CCDC178: variants seen among roughly 807,000 people sequenced by gnomAD.
CCDC178 encodes the protein coiled-coil domain-containing protein 178.
In CCDC178, 126 loss-of-function variants were observed where a neutral mutation model predicts 117.4. The ratio of observed to expected loss-of-function variants is 1.07; its 90% confidence interval spans 0.93 to 1.24. The LOEUF is 1.24. CCDC178 is among the 50% of genes most tolerant of loss of function. The probability of loss-of-function intolerance (pLI) is 0.00; values close to 1 mark genes in which losing one functional copy is unlikely to be tolerated. For missense variants in CCDC178, 1,030 were observed against 986.9 expected, an observed-to-expected ratio of 1.04 and a Z score of -0.59; for synonymous variants, 283 against 313.4, an observed-to-expected ratio of 0.90 and a Z score of 1.02.
At position 33,165,280 on chromosome 18, in the gene CCDC178, G is replaced by A. The variant is rs569185064; in HGVS notation, c.2238+46616C>T. Among the ~76,000 whole-genome samples the A allele has an allele frequency of 3.6e-3, 545 of 152,112 alleles. 6 individuals are homozygous for A. The highest frequency in any genetic ancestry group is 6.6e-3 in the Non-Finnish European group (452 of 68,006). On this transcript the variant is annotated intron_variant, in intron 20 of 22. Transcript: ENST00000383096. Reference sequence around the variant, plus strand: ...AGGTGGGCAAATCACTTGGGCCCAGGAGTCCAGCCTGGACAACAGAGCATT... The same window carrying A: ...AGGTGGGCAAATCACTTGGGCCCAGAAGTCCAGCCTGGACAACAGAGCATT...
chr18:33,376,791 T>C (rs1395352145), intron 5 of CCDC178, among the ~76,000 whole-genome samples: 1 of 152,194 alleles, frequency 6.6e-6, no homozygotes, highest in African/African-American at 2.4e-5. Context: ...TTCATTCTTT[T>C]TTATGGCAGT....
At chr18:32,993,574 A>C (rs1221367818) in intron 21 of CCDC178, among the ~76,000 whole-genome samples, 1 of 152,218 alleles carries the variant, frequency 6.6e-6, no homozygotes, top group African/African-American at 2.4e-5. Context: ...GGCAAAGCCA[A>C]GAACCCTCTT....
intron 11 of CCDC178, among the ~76,000 whole-genome samples, chr18:33,318,140 C>A (rs538057451): frequency 6.6e-6 from 1 of 152,312 alleles, no homozygotes; most frequent in Admixed American, 6.5e-5. Flanking sequence ...TATTTTAACA[C>A]CCTCACCCTT....
chr18:33,126,097 G>C (rs144998303), intron 20 of CCDC178, among the ~76,000 whole-genome samples: 1 of 152,256 alleles, frequency 6.6e-6, no homozygotes, highest in Non-Finnish European at 1.5e-5. Flanking sequence ...CAGGTGGACA[G>C]GAGACAAGTG....
At chr18:33,411,255 C>T (rs1366106574) in intron 3 of CCDC178, among the ~76,000 whole-genome samples, 1 of 152,158 alleles carries the variant, frequency 6.6e-6, no homozygotes, top group African/African-American at 2.4e-5. Flanking sequence ...AGGTTAAGTT[C>T]TATACCAGGG....
chr18:33,213,823 T>C (rs535292924), intron 19 of CCDC178, among the ~76,000 whole-genome samples: 4 of 152,122 alleles, frequency 2.6e-5, no homozygotes, highest in African/African-American at 9.6e-5. Flanking sequence ...ATTGCCATTA[T>C]TTTTAACACC....
chr18:33,108,017 C>T (rs2057730877), intron 20 of CCDC178, among the ~76,000 whole-genome samples: 1 of 151,506 alleles, frequency 6.6e-6, no homozygotes, highest in African/African-American at 2.4e-5. Context: ...TTTTTTTATC[C>T]ATTTTTGTCA....
At position 33,122,739 on chromosome 18, in the gene CCDC178, C is replaced by A. The variant is rs73959106; in HGVS notation, c.2239-29829G>T. On this transcript the variant is annotated intron_variant, in intron 20 of 22. Transcript: ENST00000383096. Reference sequence around the variant, plus strand: ...ATTGACCCAGAGAATTTGAGAGGACCCACTCTAAGTAACTGCAGCTAATGA... The same window carrying A: ...ATTGACCCAGAGAATTTGAGAGGACACACTCTAAGTAACTGCAGCTAATGA... Among the ~76,000 whole-genome samples the A allele has an allele frequency of 1.5e-3, 230 of 152,122 alleles. 2 individuals are homozygous for A. The highest frequency in any genetic ancestry group is 5.2e-3 in the African/African-American group (217 of 41,508).
intron 11 of CCDC178, 114 bp from the exon 12 acceptor site, chr18:33,293,426 C>T: frequency 1.9e-6 from 1 of 535,090 alleles, no homozygotes; most frequent in Non-Finnish European, 3.0e-6. Flanking sequence ...TTTGGGAGGC[C>T]AAGGTAGCAG....
chr18:33,266,901 T>A lies in CCDC178; in HGVS notation c.1409+15A>T. 1.3e-6 allele frequency: 2 copies of A among 1,532,040 alleles called. No homozygotes were observed. The highest frequency in any genetic ancestry group is 1.8e-6 in the Non-Finnish European group (2 of 1,130,804). The allele number at this position is 1,532,040 out of a possible 1,614,324, so 94.9% of individuals were successfully genotyped here. On this transcript the variant is annotated intron_variant, in intron 14 of 22. Coordinates refer to ENST00000383096, the MANE Select transcript of CCDC178 (RefSeq NM_001105528.4). ...GGATTATGGTATATAAGAAGAAAAGTATTTGCAAATTTACCTTTCATTGGT... is the reference window on the plus strand; with the variant it reads ...GGATTATGGTATATAAGAAGAAAAGAATTTGCAAATTTACCTTTCATTGGT...
chr18:32,982,919 T>C (rs763964583), intron 21 of CCDC178, among the ~76,000 whole-genome samples: 21 of 152,024 alleles, frequency 1.4e-4, no homozygotes, highest in African/African-American at 2.4e-5. Context: ...TCCAAACCCA[T>C]AGAATGTACA....
At chr18:33,133,873 T>C (rs1568008988) in intron 20 of CCDC178, among the ~76,000 whole-genome samples, 1 of 151,972 alleles carries the variant, frequency 6.6e-6, no homozygotes, top group African/African-American at 2.4e-5. Flanking sequence ...AGTAAGTAGA[T>C]ATCATATAAT....
intron 11 of CCDC178, among the ~76,000 whole-genome samples, chr18:33,320,484 C>T (rs1431874782): frequency 6.6e-6 from 1 of 152,054 alleles, no homozygotes; most frequent in Non-Finnish European, 1.5e-5. Flanking sequence ...GAGTGAACTC[C>T]CATTCACAAT....
At chr18:33,383,132 A>T (rs977503159) in intron 5 of CCDC178, among the ~76,000 whole-genome samples, 13 of 152,118 alleles carry the variant, frequency 8.5e-5, no homozygotes, top group African/African-American at 3.1e-4. Flanking sequence ...CTGTGGCCAG[A>T]CTGCTTCTTT....
chr18:32,983,296 T>G, intron 21 of CCDC178: 1 of 1,528,342 alleles, frequency 6.5e-7, no homozygotes, highest in Non-Finnish European at 8.8e-7. Flanking sequence ...AATTTGAGAG[T>G]TCATCTGATA....
intron 11 of CCDC178, among the ~76,000 whole-genome samples, chr18:33,301,651 G>A (rs914476007): frequency 6.6e-6 from 1 of 152,216 alleles, no homozygotes; most frequent in African/African-American, 2.4e-5. Flanking sequence ...TTATTTCAGA[G>A]CTTTAAGATT....
chr18:33,329,118 C>G (rs529247122), intron 10 of CCDC178, among the ~76,000 whole-genome samples: 20 of 152,068 alleles, frequency 1.3e-4, no homozygotes, highest in African/African-American at 4.8e-4. Flanking sequence ...AAAAATATAA[C>G]TGAGCTTTGT....
chr18:33,380,857 GT>G (rs1405593408), intron 5 of CCDC178, among the ~76,000 whole-genome samples: 70 of 152,156 alleles, frequency 4.6e-4, no homozygotes, highest in Non-Finnish European at 3.2e-4. Context: ...ACTTTATTTG[GT>G]TTTAAACATT....
At chr18:33,409,230 A>G (rs571462268) in intron 3 of CCDC178, among the ~76,000 whole-genome samples, 1 of 152,178 alleles carries the variant, frequency 6.6e-6, no homozygotes, top group Admixed American at 6.5e-5. Flanking sequence ...GACTACAGGC[A>G]TATACCATCA....
Sources: allele counts gnomAD v4.1 joint callset (sites outside exome capture counted in the v4.1 genomes callset), GRCh38; gene constraint gnomAD v4.1.1; transcripts MANE v1.5; gene names NCBI Gene and HGNC (gene_info 2026-07-23, HGNC 2026-07-21).